The following ENTPD1 variants were observed in gnomAD, a reference collection of about 807,000 sequenced individuals.
The protein encoded by ENTPD1 is ATP diphosphohydrolase.
A neutral mutation model predicts 57.0 loss-of-function variants in ENTPD1; 33 were observed. That is an observed-to-expected ratio of 0.58 (90% CI 0.44 to 0.77). ENTPD1 has a LOEUF of 0.77. Among genes scored for constraint, ENTPD1 ranks in the 30% least tolerant of loss-of-function variants. ENTPD1 has a pLI of 0.00. For synonymous variants in ENTPD1, 202 were observed against 218.8 expected (o/e 0.92, Z 0.68); for missense variants, 501 against 603.4 (o/e 0.83, Z 1.78).
At chr10:95,735,402 A>G (rs1402014978) in intron 1 of ENTPD1, among the ~76,000 whole-genome samples, 1 of 152,198 alleles carries the variant, frequency 6.6e-6, no homozygotes, top group Non-Finnish European at 1.5e-5. Context: ...GAGAATCTCA[A>G]GTTATACTGT....
intron 1 of ENTPD1, among the ~76,000 whole-genome samples, chr10:95,712,247 GC>G: frequency 6.6e-6 from 1 of 152,172 alleles, no homozygotes; most frequent in Admixed American, 6.5e-5. Flanking sequence ...AAAGAAGGAT[GC>G]CATAGGGTAG....
At chr10:95,705,376 C>T in the ENTPD1 span, among the ~76,000 whole-genome samples, 2 of 152,066 alleles carry the variant, frequency 1.3e-5, no homozygotes, top group South Asian at 2.1e-4. Flanking sequence ...CACCAAACTA[C>T]AATCAACCTT....
chr10:95,740,902 G>T (rs1332245235), intron 1 of ENTPD1, among the ~76,000 whole-genome samples: 1 of 152,162 alleles, frequency 6.6e-6, no homozygotes, highest in Non-Finnish European at 1.5e-5. Context: ...TTAAGGTCTT[G>T]CTCTGGATTA....
chr10:95,789,653 G>C (rs1462832151), intron 1 of ENTPD1, among the ~76,000 whole-genome samples: 2 of 151,974 alleles, frequency 1.3e-5, no homozygotes, highest in Admixed American at 6.6e-5. Flanking sequence ...AATATATGTA[G>C]ATATTAATCT....
At chr10:95,805,303 G>A (rs534537377) in intron 1 of ENTPD1, among the ~76,000 whole-genome samples, 1 of 151,562 alleles carries the variant, frequency 6.6e-6, no homozygotes, top group Non-Finnish European at 1.5e-5. Flanking sequence ...AAGAGACTAG[G>A]ATTGCAACCC....
intron 1 of ENTPD1, among the ~76,000 whole-genome samples, chr10:95,735,413 G>C (rs954674514): frequency 1.3e-5 from 2 of 152,120 alleles, no homozygotes; most frequent in South Asian, 2.1e-4. Context: ...GTTATACTGT[G>C]TTTGTCATTG....
chr10:95,858,027 A>G (rs12355114), intron 7 of ENTPD1, among the ~76,000 whole-genome samples: 8,940 of 152,062 alleles, frequency 0.059, 297 homozygotes, highest in South Asian at 0.093. Context: ...GCGTGGTGGC[A>G]GGCGCCTGTA....
At chr10:95,759,767 C>T (rs2139975579) in intron 1 of ENTPD1, among the ~76,000 whole-genome samples, 1 of 152,312 alleles carries the variant, frequency 6.6e-6, no homozygotes, top group South Asian at 2.1e-4. Flanking sequence ...TAATAGCTAA[C>T]ATTGATCATT....
chr10:95,839,780 G>C lies in ENTPD1; in HGVS notation c.234G>C (p.Val78=), dbSNP rs61731067. The C allele has an allele frequency of 0.064, 103,672 of 1,613,914 alleles. 3,553 individuals are homozygous for C. Among genetic ancestry groups the C allele is most frequent in the South Asian group, 0.08 (7,267 of 91,064 alleles). Residue 78 remains valine (V), a synonymous_variant, in exon 3 of 10, where the codon GTG becomes GTC. Coordinates refer to ENST00000371205, the MANE Select transcript of ENTPD1 (RefSeq NM_001776.6). ...PAEKENDTGV[V]HQVEECRVKG... is the part of the protein sequence containing the mutation. ...AAAAGGAGAATGACACAGGCGTGGT[G>C]CATCAAGTAGAAGAATGCAGGGTTA...
the ENTPD1 span, among the ~76,000 whole-genome samples, chr10:95,694,372 C>G: frequency 6.6e-6 from 1 of 151,760 alleles, no homozygotes; most frequent in Non-Finnish European, 1.5e-5. Context: ...GGGAAACACA[C>G]CTAAGGTCAC....
intron 1 of ENTPD1, among the ~76,000 whole-genome samples, chr10:95,818,206 C>A (rs1282681715): frequency 6.6e-6 from 1 of 152,152 alleles, no homozygotes; most frequent in African/African-American, 2.4e-5. Flanking sequence ...AAAATTCATT[C>A]ATTCATTCAT....
At chr10:95,718,944 A>C (rs1343423034) in intron 1 of ENTPD1, among the ~76,000 whole-genome samples, 1 of 152,234 alleles carries the variant, frequency 6.6e-6, no homozygotes, top group East Asian at 1.9e-4. Context: ...TAAGAGTTGC[A>C]CAAGTGTGCA....
rs558832819 is a variant in ENTPD1, at chr10:95,796,314, G to A, written c.17-26923G>A. Among the ~76,000 whole-genome samples, 4 of 152,234 alleles carry A rather than the reference G, an allele frequency of 2.6e-5. No homozygotes were observed. In the South Asian group the frequency reaches 8.3e-4, roughly 32 times the overall value. On this transcript the variant is annotated intron_variant, in intron 1 of 9. Transcript: ENST00000371205. ...AAGGGTGCTATGAGAGGATTGCAAAGGAGGGTATTTCGTCCATCATTAGAG... is the reference window on the plus strand; with the variant it reads ...AAGGGTGCTATGAGAGGATTGCAAAAGAGGGTATTTCGTCCATCATTAGAG...
intron 1 of ENTPD1, among the ~76,000 whole-genome samples, chr10:95,778,189 C>T (rs1276638966): frequency 6.6e-6 from 1 of 152,170 alleles, no homozygotes; most frequent in Non-Finnish European, 1.5e-5. Flanking sequence ...GAACCAGGTA[C>T]CTCAGTTGGA....
chr10:95,794,975 G>T (rs1468813088), intron 1 of ENTPD1, among the ~76,000 whole-genome samples: 1 of 152,186 alleles, frequency 6.6e-6, no homozygotes, highest in Non-Finnish European at 1.5e-5. Flanking sequence ...ATAAAGGATT[G>T]TGTTCTTTCT....
chr10:95,723,283 A>T (rs1257464419), intron 1 of ENTPD1, among the ~76,000 whole-genome samples: 1 of 150,736 alleles, frequency 6.6e-6, no homozygotes, highest in Admixed American at 6.6e-5. Context: ...TCTCTCTTTG[A>T]CTCCCTCTTT....
At position 95,847,546 on chromosome 10, in the gene ENTPD1, T is replaced by A; in HGVS notation, c.914T>A (p.Phe305Tyr). 2 of 1,614,138 alleles carry A rather than the reference T, an allele frequency of 1.2e-6. No individual in the cohort carries two copies. Among genetic ancestry groups the A allele is most frequent in the Non-Finnish European group, 1.7e-6 (2 of 1,180,024 alleles). The change falls in exon 7 of 10, where the codon TTT (phenylalanine) becomes TAT (tyrosine). Residue 305 changes from phenylalanine (F) to tyrosine (Y), a missense_variant. Phe to Tyr is a conservative substitution (Grantham distance 22). Coordinates refer to ENST00000371205, the MANE Select transcript of ENTPD1 (RefSeq NM_001776.6). ...DLYKTPCTKRFEMTLPFQQFE... is the reference protein window; with the variant it reads ...DLYKTPCTKRYEMTLPFQQFE... ...TACAAGACCCCCTGCACCAAGAGAT[T>A]TGAGATGACTCTTCCATTCCAGCAG...
chr10:95,812,240 T>G (rs2140455686), intron 1 of ENTPD1, among the ~76,000 whole-genome samples: 1 of 152,256 alleles, frequency 6.6e-6, no homozygotes, highest in East Asian at 1.9e-4. Flanking sequence ...CCCTTTGTAG[T>G]CAATCCTCTG....
Position 95,869,760 on chromosome 10 carries a change from T to A in ENTPD1, c.*3377T>A. The A allele has an allele frequency of 1.2e-6, 1 of 831,584 alleles. No homozygotes were observed. Among genetic ancestry groups the A allele is most frequent in the Non-Finnish European group, 1.4e-6 (1 of 689,790 alleles). The allele number at this position is 831,584 out of a possible 1,614,324, so 51.5% of individuals were successfully genotyped here. ...GATGGTATGGTACACTCAAACTGGG[T>A]AACACAGGAGAGTTTTCAGAAAGCA... On this transcript the variant is annotated 3_prime_UTR_variant, in exon 10 of 10. Coordinates refer to ENST00000371205, the MANE Select transcript of ENTPD1 (RefSeq NM_001776.6).
Sources: gnomAD v4.1 joint callset for allele counts (sites outside exome capture counted in the v4.1 genomes callset) on GRCh38, gnomAD v4.1.1 for gene constraint, MANE v1.5 for transcripts, NCBI Gene and HGNC (gene_info 2026-07-23, HGNC 2026-07-21) for gene names.